The following RNF212 variants were observed in gnomAD, a reference collection of about 807,000 sequenced individuals.
RNF212 encodes probable E3 SUMO-protein ligase RNF212.
Under a neutral mutation model 34.7 loss-of-function variants are expected in RNF212, and 33 were observed. The ratio of observed to expected loss-of-function variants is 0.95; its 90% CI spans 0.72 to 1.27. The LOEUF (loss-of-function observed/expected upper bound fraction) is 1.27, where lower values mean the gene tolerates loss of function less well. Among genes scored for constraint, RNF212 ranks in the 50% most tolerant of loss-of-function variants. The pLI is 0.00. For missense variants in RNF212, 377 were observed against 362.2 expected, an observed-to-expected ratio of 1.04 and a Z score of -0.33; for synonymous variants, 140 against 136.1, an observed-to-expected ratio of 1.03 and a Z score of -0.20.
At chr4:1,086,355 C>A (rs1412306450) in intron 4 of RNF212, among the ~76,000 whole-genome samples, 2 of 151,928 alleles carry the variant, frequency 1.3e-5, no homozygotes, top group Non-Finnish European at 1.5e-5. Context: ...GTGGGAGCTG[C>A]CAGACCCCAA....
intron 2 of RNF212, among the ~76,000 whole-genome samples, chr4:1,104,966 C>T (rs1393360047): frequency 2.0e-5 from 3 of 152,108 alleles, no homozygotes; most frequent in African/African-American, 7.2e-5. Context: ...AGAGCCTGGG[C>T]TGGACTGCAG....
At chr4:1,090,516 G>A (rs1370529166) in intron 4 of RNF212, among the ~76,000 whole-genome samples, 1 of 152,206 alleles carries the variant, frequency 6.6e-6, no homozygotes, top group Non-Finnish European at 1.5e-5. Context: ...TGTTGCCCCA[G>A]GTGGCTGAGG....
At chr4:1,078,492 C>T (rs976325138) in intron 8 of RNF212, among the ~76,000 whole-genome samples, 1 of 152,240 alleles carries the variant, frequency 6.6e-6, no homozygotes, top group African/African-American at 2.4e-5. Flanking sequence ...CAGGTTTCCT[C>T]TGGTCTTGCT....
At chr4:1,099,515 CAGG>C (rs1050133577) in intron 2 of RNF212, among the ~76,000 whole-genome samples, 3 of 152,038 alleles carry the variant, frequency 2.0e-5, no homozygotes, top group Admixed American at 6.6e-5. Context: ...CGGGGAAGGC[CAGG>C]AGAAGGGGGA....
chr4:1,073,790 A>G (rs1718815574), intron 8 of RNF212, 128 bp from the exon 9 acceptor site: 1 of 687,262 alleles, frequency 1.5e-6, no homozygotes, highest in East Asian at 2.7e-5. Context: ...GCCCTCTGAC[A>G]AGTTCCTGTC....
downstream of RNF212, among the ~76,000 whole-genome samples, chr4:1,070,270 C>T (rs1465860064): frequency 2.8e-5 from 4 of 141,846 alleles, no homozygotes; most frequent in East Asian, 8.8e-4. Context: ...GCTGTGTCAG[C>T]GTGGACGCCT....
At chr4:1,097,935 G>C (rs891454965) in intron 2 of RNF212, among the ~76,000 whole-genome samples, 1 of 152,100 alleles carries the variant, frequency 6.6e-6, no homozygotes, top group Non-Finnish European at 1.5e-5. Flanking sequence ...CGTGATGGCA[G>C]GTGCCTGTAA....
At chr4:1,068,639 C>T (rs939791832), downstream of RNF212, among the ~76,000 whole-genome samples, 5 of 152,180 alleles carry the variant, frequency 3.3e-5, no homozygotes, top group African/African-American at 9.7e-5. Flanking sequence ...TATTCTCATC[C>T]CATATTCACC....
At chr4:1,095,261 G>A (rs868580796) in intron 3 of RNF212, among the ~76,000 whole-genome samples, 114 of 46,948 alleles carry the variant, frequency 2.4e-3, no homozygotes, top group Admixed American at 6.0e-3. Flanking sequence ...GGCTCATCAC[G>A]GAACCAAGCA....
intron 8 of RNF212, among the ~76,000 whole-genome samples, chr4:1,078,880 G>A (rs560486703): frequency 3.3e-5 from 5 of 151,158 alleles, no homozygotes; most frequent in South Asian, 4.2e-4. Flanking sequence ...GGTCAACACA[G>A]GACCGACATG....
chr4:1,102,413 G>A (rs1179820726), intron 2 of RNF212, among the ~76,000 whole-genome samples: 1 of 152,116 alleles, frequency 6.6e-6, no homozygotes, highest in Non-Finnish European at 1.5e-5. Context: ...CATGAATACT[G>A]TATTTTTGAT....
chr4:1,101,724 C>T (rs1724023172), intron 2 of RNF212, among the ~76,000 whole-genome samples: 2 of 152,216 alleles, frequency 1.3e-5, no homozygotes, highest in African/African-American at 4.8e-5. Context: ...AACAAAAATA[C>T]ACATATGGCC....
In RNF212 at chr4:1,078,729, C is replaced by T. The variant is rs141935801; in HGVS notation, c.510+914G>A. Among the ~76,000 whole-genome samples the T allele has an allele frequency of 4.1e-4, 63 of 152,308 alleles. 1 individual carries two copies. The East Asian group carries it at 0.012, about 29-fold the overall frequency. Reference sequence around the variant, plus strand: ...GGACCAGCACGGGACCAACATGGGACCAGCAGAGGATCAACGCAGGATCAA... The same window carrying T: ...GGACCAGCACGGGACCAACATGGGATCAGCAGAGGATCAACGCAGGATCAA... On this transcript the variant is annotated intron_variant, in intron 8 of 9. Coordinates refer to ENST00000433731, the MANE Select transcript of RNF212 (RefSeq NM_001131034.4).
chr4:1,077,793 G>A (rs1188739688), intron 8 of RNF212, among the ~76,000 whole-genome samples: 1 of 152,234 alleles, frequency 6.6e-6, no homozygotes. Context: ...AGGGCCTGAG[G>A]GGGCAGGTGG....
chr4:1,073,828 C>T (rs1718827889), intron 8 of RNF212, 166 bp from the exon 9 acceptor site: 1 of 631,822 alleles, frequency 1.6e-6, no homozygotes. Flanking sequence ...CACCTCCCGA[C>T]TCTGCCTGCT....
intron 3 of RNF212, among the ~76,000 whole-genome samples, chr4:1,059,022 G>A (rs755526992): frequency 4.6e-5 from 7 of 152,236 alleles, no homozygotes; most frequent in African/African-American, 1.2e-4. Context: ...GAGATGTGAC[G>A]ACTGAGTTCT....
chr4:1,070,075 A>T (rs1429731632), downstream of RNF212, among the ~76,000 whole-genome samples: 1 of 133,626 alleles, frequency 7.5e-6, no homozygotes, highest in Non-Finnish European at 1.5e-5. Context: ...GCCTGGCCTG[A>T]GTTACGGGTG....
At chr4:1,105,020 C>G (rs1387405106) in intron 2 of RNF212, among the ~76,000 whole-genome samples, 2 of 152,170 alleles carry the variant, frequency 1.3e-5, no homozygotes, top group Non-Finnish European at 2.9e-5. Flanking sequence ...TCTCCAGGCC[C>G]TGGTTCTGCC....
chr4:1,068,831 T>C (rs902566371), downstream of RNF212, among the ~76,000 whole-genome samples: 42 of 152,376 alleles, frequency 2.8e-4, no homozygotes, highest in African/African-American at 9.9e-4. Context: ...GAATTCCTGG[T>C]TGAGGTTTTA....
Sources: gnomAD v4.1 joint callset for allele counts (sites outside exome capture counted in the v4.1 genomes callset) on GRCh38, gnomAD v4.1.1 for gene constraint, MANE v1.5 for transcripts, NCBI Gene and HGNC (gene_info 2026-07-23, HGNC 2026-07-21) for gene names.